The following CAMKMT variants were observed in gnomAD, a reference collection of about 807,000 sequenced individuals.
CAMKMT encodes CaM KMT.
Under a neutral mutation model 48.0 loss-of-function variants are expected in CAMKMT, and 53 were observed. The ratio of observed to expected loss-of-function variants is 1.10; its 90% CI spans 0.89 to 1.39. The LOEUF is 1.39. CAMKMT is among the 40% of genes most tolerant of loss of function. The pLI is 0.00. For missense variants in CAMKMT, 428 were observed against 402.7 expected (o/e 1.06, Z -0.54); for synonymous variants, 165 against 152.3 (o/e 1.08, Z -0.61).
At chr2:44,464,440 A>C (rs1668006583) in intron 3 of CAMKMT, among the ~76,000 whole-genome samples, 1 of 152,220 alleles carries the variant, frequency 6.6e-6, no homozygotes, top group Non-Finnish European at 1.5e-5. Context: ...TAATGGTCAA[A>C]AACTTCCAAA....
intron 3 of CAMKMT, chr2:44,394,858 C>G (rs1038949996): frequency 6.6e-6 from 3 of 454,070 alleles, no homozygotes; most frequent in African/African-American, 4.0e-5. Context: ...TTATTGAAAG[C>G]AAGACTCATT....
rs1202949999 is a variant in CAMKMT, at chr2:44,460,716, CTTTTT to C, written c.376+70429_376+70433del. ...ATACAGTTTCAGTGAGTGATAGATTCTTTTTTTTTTTTTTTTTTTTTTGAGACAGA... is the reference window on the plus strand; with the variant it reads ...ATACAGTTTCAGTGAGTGATAGATTCTTTTTTTTTTTTTTTTTGAGACAGA... On this transcript the variant is annotated intron_variant, in intron 3 of 10. Transcript: ENST00000378494. 1.8e-4 allele frequency among the ~76,000 whole-genome samples: 19 copies of C among 103,242 alleles called. 1 individual carries two copies. The Admixed American group carries it at 1.9e-3, about 10-fold the overall frequency. 67.7% of individuals were successfully genotyped at this position (103,242 alleles called of 152,430 possible).
At chr2:44,603,863 AG>A (rs1390514591) in intron 3 of CAMKMT, among the ~76,000 whole-genome samples, 1 of 152,258 alleles carries the variant, frequency 6.6e-6, no homozygotes, top group East Asian at 1.9e-4. Flanking sequence ...GGTATTGAGA[AG>A]GATACAAGAG....
chr2:44,424,550 G>T (rs775974560), intron 3 of CAMKMT, among the ~76,000 whole-genome samples: 7 of 152,152 alleles, frequency 4.6e-5, no homozygotes, highest in Non-Finnish European at 1.5e-5. Flanking sequence ...GTCAGGAGTT[G>T]ATCTTTAACT....
intron 3 of CAMKMT, among the ~76,000 whole-genome samples, chr2:44,673,194 G>A (rs1417019079): frequency 1.3e-5 from 2 of 152,072 alleles, no homozygotes; most frequent in Non-Finnish European, 2.9e-5. Context: ...GGGAGGCTGA[G>A]ATGGGAGGAT....
chr2:44,538,409 G>T lies in CAMKMT; in HGVS notation c.376+148104G>T, dbSNP rs1666901585. Among the ~76,000 whole-genome samples, 3 of 151,540 alleles carry T rather than the reference G, an allele frequency of 2.0e-5. No individual in the cohort carries two copies. In the South Asian group the frequency reaches 6.3e-4, roughly 32 times the overall value. On this transcript the variant is annotated intron_variant, in intron 3 of 10. Transcript: ENST00000378494. ...AAGAAAAGAAAAGAAAAAAGAAAATGTAGTATATATACACCATGGCATACT... is the reference window on the plus strand; with the variant it reads ...AAGAAAAGAAAAGAAAAAAGAAAATTTAGTATATATACACCATGGCATACT...
At chr2:44,545,543 T>C (rs1667349157) in intron 3 of CAMKMT, among the ~76,000 whole-genome samples, 1 of 152,108 alleles carries the variant, frequency 6.6e-6, no homozygotes, top group African/African-American at 2.4e-5. Flanking sequence ...TTTTGTTTTG[T>C]TTTGTTTTGT....
intron 3 of CAMKMT, among the ~76,000 whole-genome samples, chr2:44,406,554 G>A (rs1035175443): frequency 5.3e-5 from 8 of 151,868 alleles, no homozygotes; most frequent in African/African-American, 1.9e-4. Flanking sequence ...TGTTTTATTG[G>A]TAAGTTTTCT....
intron 3 of CAMKMT, among the ~76,000 whole-genome samples, chr2:44,614,812 T>TC (rs1671779124): frequency 6.6e-6 from 1 of 151,978 alleles, no homozygotes; most frequent in Non-Finnish European, 1.5e-5. Flanking sequence ...TCAGTATGCT[T>TC]CACACACACC....
chr2:44,531,852 T>A (rs1238683177), intron 3 of CAMKMT, among the ~76,000 whole-genome samples: 1 of 152,164 alleles, frequency 6.6e-6, no homozygotes, highest in African/African-American at 2.4e-5. Context: ...AGAACATAAT[T>A]TTTGCATGTT....
At chr2:44,558,905 C>T (rs189422669) in intron 3 of CAMKMT, among the ~76,000 whole-genome samples, 1 of 152,056 alleles carries the variant, frequency 6.6e-6, no homozygotes, top group Non-Finnish European at 1.5e-5. Flanking sequence ...ATGTAACAAA[C>T]TTGAATACAT....
In CAMKMT at chr2:44,410,231, G is replaced by GTATATATATATAGTCTATAGACTA. The variant is rs1558589089; in HGVS notation, c.376+19938_376+19939insGTCTATAGACTATATATATATATA. ...AACTTAAGTAATTAGTCAGGTATCA[G>GTATATATATATAGTCTATAGACTA]TATATATATATATATATTTTTTTTT... On this transcript the variant is annotated intron_variant, in intron 3 of 10. Transcript: ENST00000378494. 2.2e-3 allele frequency among the ~76,000 whole-genome samples: 45 copies of GTATATATATATAGTCTATAGACTA among 20,432 alleles called. 15 individuals are homozygous for GTATATATATATAGTCTATAGACTA. The highest frequency in any genetic ancestry group is 4.4e-3 in the African/African-American group (24 of 5,444). The allele number at this position is 20,432 out of a possible 152,430, so 13.4% of individuals were successfully genotyped here. A position where few individuals can be genotyped will look rare whatever the true frequency, so the allele number is the denominator to read the frequency against.
At chr2:44,684,450 G>A (rs933582476) in intron 3 of CAMKMT, among the ~76,000 whole-genome samples, 1 of 151,808 alleles carries the variant, frequency 6.6e-6, no homozygotes, top group East Asian at 1.9e-4. Context: ...TTTCTATATG[G>A]CTTAAGGTTA....
At chr2:44,619,588 A>C (rs1672069735) in intron 3 of CAMKMT, among the ~76,000 whole-genome samples, 1 of 152,100 alleles carries the variant, frequency 6.6e-6, no homozygotes, top group African/African-American at 2.4e-5. Flanking sequence ...GCAATTGCCG[A>C]CCCTCCAAAA....
chr2:44,377,794 A>G (rs1679847682), intron 2 of CAMKMT, among the ~76,000 whole-genome samples: 1 of 152,108 alleles, frequency 6.6e-6, no homozygotes. Flanking sequence ...ACTGTGTTGC[A>G]TCTTTCTATT....
At chr2:44,451,777 T>G (rs1667300341) in intron 3 of CAMKMT, among the ~76,000 whole-genome samples, 1 of 151,964 alleles carries the variant, frequency 6.6e-6, no homozygotes, top group African/African-American at 2.4e-5. Flanking sequence ...ATCTAGGTGG[T>G]AGGTATATGG....
intron 3 of CAMKMT, among the ~76,000 whole-genome samples, chr2:44,689,839 C>T (rs913285689): frequency 1.3e-5 from 2 of 152,140 alleles, no homozygotes; most frequent in African/African-American, 4.8e-5. Context: ...ATCTCTTCTG[C>T]CCTTAGGTAG....
chr2:44,373,363 T>A (rs933439335), intron 2 of CAMKMT, among the ~76,000 whole-genome samples: 8 of 152,252 alleles, frequency 5.3e-5, no homozygotes, highest in Non-Finnish European at 7.3e-5. Context: ...AACACTGATA[T>A]TGTAAGAAGC....
At chr2:44,611,749 G>T (rs1379034366) in intron 3 of CAMKMT, among the ~76,000 whole-genome samples, 2 of 151,868 alleles carry the variant, frequency 1.3e-5, no homozygotes, top group African/African-American at 4.8e-5. Context: ...CATGGTGCCG[G>T]CATCTGCTTG....
Sources: gnomAD v4.1 joint callset for allele counts (sites outside exome capture counted in the v4.1 genomes callset) on GRCh38, gnomAD v4.1.1 for gene constraint, MANE v1.5 for transcripts, NCBI Gene and HGNC (gene_info 2026-07-23, HGNC 2026-07-21) for gene names.